PTPRJ: variants seen among roughly 807,000 people sequenced by gnomAD.
The protein encoded by PTPRJ is protein tyrosine phosphatase receptor type J.
In PTPRJ, 129 loss-of-function variants were observed where a neutral mutation model predicts 141.3. The observed-to-expected ratio is 0.91, with a 90% CI of 0.79 to 1.06. The LOEUF is 1.06. Ranked by LOEUF, PTPRJ falls within the 50% of genes least tolerant of loss-of-function variation. The probability of loss-of-function intolerance (pLI) is 0.00; values close to 1 mark genes in which losing one functional copy is unlikely to be tolerated. For missense variants in PTPRJ, 1,601 were observed against 1,679.7 expected, an observed-to-expected ratio of 0.95 and a Z score of 0.82; for synonymous variants, 610 against 640.5, an observed-to-expected ratio of 0.95 and a Z score of 0.72.
At chr11:48,075,832 A>G (rs1855384447) in intron 1 of PTPRJ, among the ~76,000 whole-genome samples, 1 of 152,030 alleles carries the variant, frequency 6.6e-6, no homozygotes, top group Admixed American at 6.6e-5. Flanking sequence ...ACCTTCTACC[A>G]TGTCTCCTTT....
chr11:48,098,991 C>T (rs550361964), intron 1 of PTPRJ, among the ~76,000 whole-genome samples: 1 of 152,236 alleles, frequency 6.6e-6, no homozygotes, highest in African/African-American at 2.4e-5. Flanking sequence ...ACATCTGCCT[C>T]CTGCCTGATG....
chr11:48,105,966 C>T (rs1198227472), intron 1 of PTPRJ, among the ~76,000 whole-genome samples: 8 of 152,170 alleles, frequency 5.3e-5, no homozygotes, highest in Non-Finnish European at 1.0e-4. Context: ...TACTGGTTTT[C>T]CTTAACCCCA....
In PTPRJ at chr11:48,135,991, C is replaced by T. The variant is rs529000354; in HGVS notation, c.1616-48C>T. On this transcript the variant is annotated intron_variant, in intron 8 of 24. Coordinates refer to ENST00000418331, the MANE Select transcript of PTPRJ (RefSeq NM_002843.4). ...GACAGCACTTGGAGAGGAAGCTGGG[C>T]GTCATGATAGTAACAGTTTTCCCTT... The T allele has an allele frequency of 1.9e-4, 298 of 1,584,738 alleles. 3 individuals carry two copies. The East Asian group carries it at 4.1e-3, about 22-fold the overall frequency.
At chr11:48,131,016 ATATT>A (rs1271562699) in intron 8 of PTPRJ, among the ~76,000 whole-genome samples, 1 of 129,856 alleles carries the variant, frequency 7.7e-6, no homozygotes, top group Non-Finnish European at 1.7e-5. Flanking sequence ...TAATACATAT[ATATT>A]TAATATTTAA....
At chr11:48,029,385 G>A (rs1853920080) in intron 1 of PTPRJ, among the ~76,000 whole-genome samples, 1 of 152,160 alleles carries the variant, frequency 6.6e-6, no homozygotes, top group Non-Finnish European at 1.5e-5. Context: ...ATATCATACA[G>A]AAAGGCAGAA....
chr11:48,058,906 C>A (rs1280415045), intron 1 of PTPRJ, among the ~76,000 whole-genome samples: 1 of 152,130 alleles, frequency 6.6e-6, no homozygotes, highest in Non-Finnish European at 1.5e-5. Context: ...TCCTCTGCCC[C>A]CTCTGCAGAG....
At chr11:48,011,421 A>G (rs1848246316) in intron 1 of PTPRJ, among the ~76,000 whole-genome samples, 1 of 152,138 alleles carries the variant, frequency 6.6e-6, no homozygotes, top group African/African-American at 2.4e-5. Flanking sequence ...TAAGAAAGTA[A>G]TGCCGATCAG....
intron 1 of PTPRJ, among the ~76,000 whole-genome samples, chr11:48,089,255 G>A (rs1056469849): frequency 6.6e-6 from 1 of 152,156 alleles, no homozygotes; most frequent in Non-Finnish European, 1.5e-5. Context: ...GGTGGCTCAC[G>A]CCTATAATCC....
At chr11:48,131,811 G>A in intron 8 of PTPRJ, 1 of 351,364 alleles carries the variant, frequency 2.8e-6, no homozygotes, top group Non-Finnish European at 5.1e-6. Context: ...GCTCTCTAGG[G>A]ATCCCTAGGT....
intron 3 of PTPRJ, among the ~76,000 whole-genome samples, chr11:48,119,801 C>A (rs1856660360): frequency 6.6e-6 from 1 of 152,222 alleles, no homozygotes; most frequent in African/African-American, 2.4e-5. Context: ...AACACTTACA[C>A]CATCTTTACT....
rs1270167043 is a variant in PTPRJ, at chr11:48,167,953, G to A, written c.*591G>A. On this transcript the variant is annotated 3_prime_UTR_variant, in exon 25 of 25. Coordinates refer to ENST00000418331, the MANE Select transcript of PTPRJ (RefSeq NM_002843.4). ...TATTTTTGTACTGAATCTCATAATT[G>A]GAATATACGGAATATTTAAACAGTA... The A allele has an allele frequency of 6.6e-6, 1 of 152,098 alleles. No individual in the cohort carries two copies. Among genetic ancestry groups the A allele is most frequent in the Non-Finnish European group, 1.5e-5 (1 of 68,064 alleles). 9.4% of individuals were successfully genotyped at this position (152,098 alleles called of 1,614,324 possible). A position where few individuals can be genotyped will look rare whatever the true frequency, so the allele number is the denominator to read the frequency against.
At chr11:48,009,583 G>A (rs1021100062) in intron 1 of PTPRJ, among the ~76,000 whole-genome samples, 3 of 152,120 alleles carry the variant, frequency 2.0e-5, no homozygotes, top group Non-Finnish European at 2.9e-5. Flanking sequence ...GCAATAGAGC[G>A]AGACTCTGTC....
intron 1 of PTPRJ, among the ~76,000 whole-genome samples, chr11:47,993,018 C>A (rs1467367097): frequency 6.6e-6 from 1 of 152,080 alleles, no homozygotes; most frequent in Admixed American, 6.6e-5. Context: ...GTAAAAAAAA[C>A]CAGTATAAAG....
At chr11:48,006,589 A>G (rs912706055) in intron 1 of PTPRJ, among the ~76,000 whole-genome samples, 2 of 152,152 alleles carry the variant, frequency 1.3e-5, no homozygotes, top group Non-Finnish European at 1.5e-5. Flanking sequence ...AGAGTCTGGT[A>G]CTGACTCACA....
At chr11:48,138,957 A>T (rs1227905016) in intron 10 of PTPRJ, among the ~76,000 whole-genome samples, 1 of 152,064 alleles carries the variant, frequency 6.6e-6, no homozygotes, top group African/African-American at 2.4e-5. Context: ...ACATGGTGAA[A>T]CCCCATGTCT....
At chr11:48,100,809 G>A (rs192630243) in intron 1 of PTPRJ, among the ~76,000 whole-genome samples, 139 of 151,998 alleles carry the variant, frequency 9.1e-4, no homozygotes, top group African/African-American at 3.1e-3. Flanking sequence ...TTGAACCTGG[G>A]AGGTGGAGGT....
chr11:48,113,027 C>A, intron 3 of PTPRJ, 44 bp downstream of exon 3: 1 of 1,453,412 alleles, frequency 6.9e-7, no homozygotes, highest in South Asian at 1.3e-5. Context: ...TAAAGGAAAT[C>A]GGTAGAATTT....
chr11:48,137,348 C>T (rs765612517), intron 10 of PTPRJ, 67 bp downstream of exon 10: 1 of 1,515,986 alleles, frequency 6.6e-7, no homozygotes. Context: ...GGTCAGTCCT[C>T]CCAAGTCTGT....
chr11:47,996,494 A>T (rs1854341068), intron 1 of PTPRJ, among the ~76,000 whole-genome samples: 1 of 152,126 alleles, frequency 6.6e-6, no homozygotes, highest in African/African-American at 2.4e-5. Flanking sequence ...GCATCTGGAA[A>T]ATGGAAATCT....
Sources: gnomAD v4.1 joint callset for allele counts (sites outside exome capture counted in the v4.1 genomes callset) on GRCh38, gnomAD v4.1.1 for gene constraint, MANE v1.5 for transcripts, NCBI Gene and HGNC (gene_info 2026-07-23, HGNC 2026-07-21) for gene names.